Variants in RNF216 observed in about 807,000 individuals in gnomAD.
The protein encoded by RNF216 is E3 ubiquitin-protein ligase RNF216.
In RNF216, 72 loss-of-function variants were observed where a neutral mutation model predicts 110.8. That is an observed-to-expected ratio of 0.65 (90% CI 0.54 to 0.79). RNF216 has a LOEUF of 0.79. Ranked by LOEUF, RNF216 falls within the 30% of genes least tolerant of loss-of-function variation. The probability of loss-of-function intolerance (pLI) is 0.00; values close to 1 mark genes in which losing one functional copy is unlikely to be tolerated. For missense variants in RNF216, 1,342 were observed against 1,141.2 expected, an observed-to-expected ratio of 1.18 and a Z score of -2.54; for synonymous variants, 495 against 407.5, an observed-to-expected ratio of 1.21 and a Z score of -2.59.
intron 1 of RNF216, among the ~76,000 whole-genome samples, chr7:5,762,559 A>G (rs1795988606): frequency 6.6e-6 from 1 of 151,798 alleles, no homozygotes; most frequent in African/African-American, 2.4e-5. Flanking sequence ...GGGTGTGGTG[A>G]CGGGCACCTG....
chr7:5,725,046 TAAC>T (rs1278267662), intron 8 of RNF216, among the ~76,000 whole-genome samples: 2 of 152,284 alleles, frequency 1.3e-5, no homozygotes, highest in African/African-American at 4.8e-5. Flanking sequence ...CCCCCAAGCT[TAAC>T]AGCACACTCA....
chr7:5,620,842 G>A lies in RNF216; in HGVS notation c.*2018C>T, dbSNP rs1313920172. ...CCTAGGGTACAGGGCAGAGGGAGCT[G>A]AGGCTCCCAGGGCCTGAGGTCACCT... On this transcript the variant is annotated 3_prime_UTR_variant, in exon 17 of 17. Transcript: ENST00000389902. The A allele has an allele frequency of 6.6e-6, 1 of 152,278 alleles. No individual in the cohort carries two copies. Among genetic ancestry groups the A allele is most frequent in the Non-Finnish European group, 1.5e-5 (1 of 68,092 alleles). 9.4% of individuals were successfully genotyped at this position (152,278 alleles called of 1,614,324 possible).
intron 15 of RNF216, among the ~76,000 whole-genome samples, chr7:5,636,756 T>C (rs1787420259): frequency 6.6e-6 from 1 of 152,178 alleles, no homozygotes; most frequent in South Asian, 2.1e-4. Flanking sequence ...ATTGGAGGGA[T>C]TTGTATTTGC....
chr7:5,633,318 G>A (rs1030827945), intron 15 of RNF216, among the ~76,000 whole-genome samples: 1 of 151,726 alleles, frequency 6.6e-6, no homozygotes, highest in Non-Finnish European at 1.5e-5. Context: ...GCTCATGCCT[G>A]TAATCCCAGC....
At chr7:5,693,059 G>C (rs544576065) in intron 13 of RNF216, among the ~76,000 whole-genome samples, 59 of 152,312 alleles carry the variant, frequency 3.9e-4, no homozygotes, top group African/African-American at 1.2e-3. Context: ...CTTGGAGACA[G>C]CTCCATATTT....
At chr7:5,772,515 A>G (rs1562481834) in intron 1 of RNF216, among the ~76,000 whole-genome samples, 1 of 151,926 alleles carries the variant, frequency 6.6e-6, no homozygotes, top group Admixed American at 6.6e-5. Context: ...TAAGCGATTC[A>G]ATCCTTTCCT....
intron 5 of RNF216, among the ~76,000 whole-genome samples, chr7:5,732,070 G>T (rs1584531073): frequency 6.6e-6 from 1 of 152,068 alleles, no homozygotes; most frequent in Non-Finnish European, 1.5e-5. Context: ...CCCAGTCCAC[G>T]GAACACAACG....
At chr7:5,759,633 C>CTTCTTCTTTT (rs59390560) in intron 2 of RNF216, among the ~76,000 whole-genome samples, 78 of 131,168 alleles carry the variant, frequency 5.9e-4, no homozygotes, top group Admixed American at 7.4e-4. Context: ...CATTTTTCTT[C>CTTCTTCTTTT]TTTTTTTTTT....
At chr7:5,758,824 G>A (rs1454503012) in intron 2 of RNF216, among the ~76,000 whole-genome samples, 1 of 152,126 alleles carries the variant, frequency 6.6e-6, no homozygotes, top group Non-Finnish European at 1.5e-5. Context: ...CTGGACTTTT[G>A]AGTTAATGCT....
intron 13 of RNF216, among the ~76,000 whole-genome samples, chr7:5,706,107 C>T (rs1026204838): frequency 2.0e-5 from 3 of 151,322 alleles, no homozygotes; most frequent in African/African-American, 7.3e-5. Context: ...GTAGTCCCAG[C>T]TATTCAGGAG....
At chr7:5,706,494 G>T (rs929047753) in intron 13 of RNF216, among the ~76,000 whole-genome samples, 1 of 152,178 alleles carries the variant, frequency 6.6e-6, no homozygotes, top group Admixed American at 6.5e-5. Context: ...GTCCTTCTAT[G>T]ACTGGCTAAT....
At chr7:5,629,194 C>CAAAAA in intron 15 of RNF216, among the ~76,000 whole-genome samples, 1 of 82,960 alleles carries the variant, frequency 1.2e-5, no homozygotes, top group South Asian at 4.0e-4. Flanking sequence ...GACTCTGTCT[C>CAAAAA]AAAAAAAAAA....
At position 5,741,206 on chromosome 7, in the gene RNF216, C is replaced by G. The variant is rs753855311; in HGVS notation, c.811G>C (p.Gly271Arg). 6.2e-7 allele frequency: 1 copy of G among 1,614,146 alleles called. No individual in the cohort carries two copies. Among genetic ancestry groups the G allele is most frequent in the Non-Finnish European group, 8.5e-7 (1 of 1,180,008 alleles). Residue 271 changes from glycine to arginine, a missense_variant, in exon 4 of 17, where the codon GGG becomes CGG. Physicochemically the swap from Gly to Arg is moderately radical, Grantham distance 125 (BLOSUM62 -2). Transcript: ENST00000389902. ...GGTTCCGGCCTTGGAAAAGCGGGCC[C>G]TGGGAATTCATGCTGAAACAACAAG... ...GRLLFQHEFPGPAFPRPEPQQ... is the reference protein window; with the variant it reads ...GRLLFQHEFPRPAFPRPEPQQ...
At chr7:5,734,377 G>GTAA (rs1794267856) in intron 5 of RNF216, among the ~76,000 whole-genome samples, 1 of 152,134 alleles carries the variant, frequency 6.6e-6, no homozygotes, top group South Asian at 2.1e-4. Context: ...AAATCTTTAT[G>GTAA]TAGTGTTCAA....
rs941069224 is a variant in RNF216, at chr7:5,620,050, C to A, written c.*2810G>T. 11 of 152,264 alleles carry A rather than the reference C, an allele frequency of 7.2e-5. No individual in the cohort carries two copies. Among genetic ancestry groups the A allele is most frequent in the Non-Finnish European group, 2.9e-5 (2 of 68,062 alleles). The allele number at this position is 152,264 out of a possible 1,614,324, so 9.4% of individuals were successfully genotyped here. ...GGTGGAGAGACGAAGCTGGAGGGAG[C>A]AGAGCGCACAAACATTTATTTACAA... On this transcript the variant is annotated 3_prime_UTR_variant, in exon 17 of 17. Transcript: ENST00000389902.
intron 13 of RNF216, among the ~76,000 whole-genome samples, chr7:5,693,908 A>T (rs751553061): frequency 1.3e-5 from 2 of 152,156 alleles, no homozygotes; most frequent in Non-Finnish European, 2.9e-5. Context: ...TAAAAATGAC[A>T]CAACGAAAAT....
chr7:5,648,304 T>C (rs1323126736), intron 14 of RNF216, among the ~76,000 whole-genome samples: 3 of 151,774 alleles, frequency 2.0e-5, no homozygotes, highest in Non-Finnish European at 4.4e-5. Flanking sequence ...CAGAGGTTTC[T>C]CCATGTTGGT....
At chr7:5,678,625 G>A (rs115674001) in intron 13 of RNF216, among the ~76,000 whole-genome samples, 5,769 of 152,280 alleles carry the variant, frequency 0.038, 158 homozygotes, top group South Asian at 0.069. Flanking sequence ...TAAGGAGGCC[G>A]GCACTCGTAG....
intron 15 of RNF216, among the ~76,000 whole-genome samples, chr7:5,630,995 G>C (rs1333449221): frequency 6.6e-6 from 1 of 152,158 alleles, no homozygotes; most frequent in African/African-American, 2.4e-5. Context: ...CTGTCGGGCT[G>C]GGAGCGTGTG....
Sources: allele counts gnomAD v4.1 joint callset (sites outside exome capture counted in the v4.1 genomes callset), GRCh38; gene constraint gnomAD v4.1.1; transcripts MANE v1.5; gene names NCBI Gene and HGNC (gene_info 2026-07-23, HGNC 2026-07-21).